DSTYK: variants seen among roughly 807,000 people sequenced by gnomAD.
DSTYK encodes the protein dual serine/threonine and tyrosine protein kinase.
A neutral mutation model predicts 98.7 loss-of-function variants in DSTYK; 34 were observed. The observed-to-expected ratio is 0.34, with a 90% CI of 0.26 to 0.46. The LOEUF is 0.46. Ranked by LOEUF, DSTYK falls within the 20% of genes least tolerant of loss-of-function variation. The pLI is 1.00. For missense variants in DSTYK, 962 were observed against 1,181.7 expected, an observed-to-expected ratio of 0.81 and a Z score of 2.73; for synonymous variants, 462 against 457.3, an observed-to-expected ratio of 1.01 and a Z score of -0.13.
chr1:205,167,393 C>T (rs1489296045), intron 3 of DSTYK, among the ~76,000 whole-genome samples: 1 of 152,100 alleles, frequency 6.6e-6, no homozygotes, highest in Non-Finnish European at 1.5e-5. Context: ...GAGCAAGAAC[C>T]TGTCCCAAAA....
Position 205,174,681 on chromosome 1 carries a change from C to CA in DSTYK, c.655-4850dup, listed in dbSNP as rs562580227. 6.4e-3 allele frequency among the ~76,000 whole-genome samples: 895 copies of CA among 139,376 alleles called. 7 individuals are homozygous for CA. Among genetic ancestry groups the CA allele is most frequent in the African/African-American group, 0.021 (807 of 38,146 alleles). 91.4% of individuals were successfully genotyped at this position (139,376 alleles called of 152,430 possible). A position where few individuals can be genotyped will look rare whatever the true frequency, so the allele number is the denominator to read the frequency against. On this transcript the variant is annotated intron_variant, in intron 2 of 12. Transcript: ENST00000367162. ...CTGGGCAACAGAGTGAGATACTGTC[C>CA]AAAAAAAAAATTACTTAATTAATTA...
At chr1:205,167,061 G>C (rs1657910007) in intron 3 of DSTYK, among the ~76,000 whole-genome samples, 1 of 152,208 alleles carries the variant, frequency 6.6e-6, no homozygotes, top group Non-Finnish European at 1.5e-5. Flanking sequence ...CAGATGGAAT[G>C]CTATGGGATT....
chr1:205,166,124 G>A (rs1274007319), intron 3 of DSTYK, among the ~76,000 whole-genome samples: 1 of 152,108 alleles, frequency 6.6e-6, no homozygotes, highest in Non-Finnish European at 1.5e-5. Context: ...ATTAGAAGAA[G>A]ACAAATTTGT....
rs1657742021 is a variant in DSTYK at position 205,162,090 on chromosome 1, T to G, written c.1764A>C (p.Gln588His). 1 of 1,614,036 alleles carries G rather than the reference T, an allele frequency of 6.2e-7. No individual in the cohort carries two copies. Among genetic ancestry groups the G allele is most frequent in the Admixed American group, 1.7e-5 (1 of 59,996 alleles). ...ASKLAKSICS[Q>H]FRTRLNSSHE... ...GGGAACTATTGAGCCGAGTCCGGAA[T>G]TGGCTGCAAATGCTCTTAGCCAATT... is the stretch of plus-strand genomic sequence containing the variant. The change falls in exon 6 of 13, where the codon CAA becomes CAC. Residue 588 changes from glutamine (Q) to histidine (H), a missense_variant. This residue lies in a region of DSTYK where 660 missense variants were observed against 855.0 expected (regional missense o/e 0.77). Coordinates refer to ENST00000367162, the MANE Select transcript of DSTYK (RefSeq NM_015375.3).
At chr1:205,185,942 G>T (rs1251798989) in intron 2 of DSTYK, among the ~76,000 whole-genome samples, 1 of 152,122 alleles carries the variant, frequency 6.6e-6, no homozygotes, top group Non-Finnish European at 1.5e-5. Context: ...AGAACCACTT[G>T]AACCCAGGAA....
chr1:205,159,408 T>C lies in DSTYK; in HGVS notation c.2238+139A>G, dbSNP rs1657651047. The C allele has an allele frequency of 2.0e-5, 23 of 1,164,974 alleles. 1 individual carries two copies. In the East Asian group the frequency reaches 5.9e-4, roughly 30 times the overall value. 72.2% of individuals were successfully genotyped at this position (1,164,974 alleles called of 1,614,324 possible). On this transcript the variant is annotated intron_variant, in intron 9 of 12. Transcript: ENST00000367162. ...CCAGCTGAGAAATCTTTAAGGGTTT[T>C]TGGAAATAAGTGAAATAAACCCTAA...
intron 1 of DSTYK, among the ~76,000 whole-genome samples, chr1:205,192,953 C>T (rs759320696): frequency 7.2e-5 from 11 of 152,190 alleles, no homozygotes; most frequent in Admixed American, 2.6e-4. Context: ...ATGACCCCTA[C>T]GCCACATTGT....
At chr1:205,154,084 T>TGC (rs1351731417) in intron 10 of DSTYK, among the ~76,000 whole-genome samples, 4 of 144,906 alleles carry the variant, frequency 2.8e-5, no homozygotes, top group African/African-American at 7.5e-5. Context: ...TGTGTGTGTG[T>TGC]GCATGTATAG....
At chr1:205,183,620 C>T (rs1658482671) in intron 2 of DSTYK, among the ~76,000 whole-genome samples, 1 of 152,208 alleles carries the variant, frequency 6.6e-6, no homozygotes, top group Non-Finnish European at 1.5e-5. Flanking sequence ...TGTTTCCTTT[C>T]TTTACTACCC....
At chr1:205,149,985 T>C (rs16855186) in intron 11 of DSTYK, among the ~76,000 whole-genome samples, 29,542 of 152,154 alleles carry the variant, frequency 0.19, 3,177 homozygotes, top group East Asian at 0.39. Flanking sequence ...CATTACCTTT[T>C]AGCTCAATGG....
intron 8 of DSTYK, 26 bp downstream of exon 8, chr1:205,160,088 T>C (rs768871397): frequency 8.1e-6 from 13 of 1,612,656 alleles, no homozygotes; most frequent in African/African-American, 2.7e-5. Context: ...ATCTTTCTCA[T>C]AGAGATGAAT....
At chr1:205,186,050 AT>A (rs1264951079) in intron 2 of DSTYK, among the ~76,000 whole-genome samples, 1 of 152,144 alleles carries the variant, frequency 6.6e-6, no homozygotes, top group African/African-American at 2.4e-5. Flanking sequence ...AAGAAAAAAA[AT>A]ATATATATAA....
At chr1:205,175,578 G>C (rs1658204742) in intron 2 of DSTYK, among the ~76,000 whole-genome samples, 1 of 152,190 alleles carries the variant, frequency 6.6e-6, no homozygotes, top group Admixed American at 6.5e-5. Flanking sequence ...TACGAATTAG[G>C]CTGGAATGTG....
At chr1:205,194,735 G>A (rs188152288) in intron 1 of DSTYK, among the ~76,000 whole-genome samples, 25 of 151,448 alleles carry the variant, frequency 1.7e-4, no homozygotes, top group East Asian at 5.9e-4. Flanking sequence ...CAGCTCTGTC[G>A]CCCAGGCTGG....
intron 2 of DSTYK, among the ~76,000 whole-genome samples, chr1:205,182,326 G>A (rs1187483492): frequency 6.6e-6 from 1 of 151,684 alleles, no homozygotes; most frequent in East Asian, 1.9e-4. Flanking sequence ...TGAGCCAGAA[G>A]TTGCAGTGAG....
At chr1:205,198,379 T>C (rs1189869245) in intron 1 of DSTYK, among the ~76,000 whole-genome samples, 1 of 152,116 alleles carries the variant, frequency 6.6e-6, no homozygotes, top group Non-Finnish European at 1.5e-5. Flanking sequence ...TTTCCAATTC[T>C]CTCCATGGGA....
chr1:205,181,656 T>TGTGTGTGTGTGTGTGTGTG lies in DSTYK; in HGVS notation c.654+5761_654+5762insCACACACACACACACACAC, dbSNP rs1558616449. Among the ~76,000 whole-genome samples the TGTGTGTGTGTGTGTGTGTG allele has an allele frequency of 6.3e-5, 9 of 142,644 alleles. No individual in the cohort carries two copies. The East Asian group carries it at 8.3e-4, about 13-fold the overall frequency. The allele number at this position is 142,644 out of a possible 152,430, so 93.6% of individuals were successfully genotyped here. On this transcript the variant is annotated intron_variant, in intron 2 of 12. Coordinates refer to ENST00000367162, the MANE Select transcript of DSTYK (RefSeq NM_015375.3). ...AGATGTGAGCCACAGATGTTGGGGT[T>TGTGTGTGTGTGTGTGTGTG]TGTGTGTGTGTGTGTGTGTGTGTGT...
chr1:205,186,576 G>A (rs534604517), intron 2 of DSTYK, among the ~76,000 whole-genome samples: 1 of 152,280 alleles, frequency 6.6e-6, no homozygotes, highest in Admixed American at 6.5e-5. Flanking sequence ...TCCTGGCACA[G>A]TTAACCAAGA....
intron 10 of DSTYK, among the ~76,000 whole-genome samples, chr1:205,153,450 A>G (rs1389834137): frequency 1.7e-4 from 26 of 152,206 alleles, no homozygotes; most frequent in Non-Finnish European, 1.5e-5. Context: ...AAAGGAGACT[A>G]AAGAAACATG....
Sources: allele counts gnomAD v4.1 joint callset (sites outside exome capture counted in the v4.1 genomes callset), GRCh38; gene constraint gnomAD v4.1.1; regional missense constraint gnomAD v4.1.1; transcripts MANE v1.5; gene names NCBI Gene and HGNC (gene_info 2026-07-23, HGNC 2026-07-21).